Variants in EPHA5 observed in about 807,000 individuals in gnomAD.
EPHA5 encodes the protein ephrin type-A receptor 5.
A neutral mutation model predicts 105.0 loss-of-function variants in EPHA5; 60 were observed. The observed-to-expected ratio is 0.57, with a 90% CI of 0.46 to 0.71. The LOEUF is 0.71. Ranked by LOEUF, EPHA5 falls within the 30% of genes least tolerant of loss-of-function variation. The pLI, the probability that EPHA5 is intolerant of heterozygous loss-of-function variation, is 0.00. For missense variants in EPHA5, 1,218 were observed against 1,274.7 expected, an observed-to-expected ratio of 0.96 and a Z score of 0.68; for synonymous variants, 513 against 449.1, an observed-to-expected ratio of 1.14 and a Z score of -1.80.
chr4:65,571,473 A>G (rs1306806431), intron 3 of EPHA5, among the ~76,000 whole-genome samples: 1 of 152,104 alleles, frequency 6.6e-6, no homozygotes, highest in African/African-American at 2.4e-5. Flanking sequence ...GAGAAGATGA[A>G]TGAAACTGTC....
At chr4:65,477,572 T>G (rs1729947359) in intron 5 of EPHA5, among the ~76,000 whole-genome samples, 1 of 151,682 alleles carries the variant, frequency 6.6e-6, no homozygotes, top group South Asian at 2.1e-4. Flanking sequence ...ACCACCACGC[T>G]CAGGTAATTT....
chr4:65,556,891 T>G (rs555185014), intron 3 of EPHA5, among the ~76,000 whole-genome samples: 2 of 152,024 alleles, frequency 1.3e-5, no homozygotes, highest in Non-Finnish European at 2.9e-5. Flanking sequence ...TTTTGTGGTC[T>G]AAAAAACATA....
At chr4:65,419,090 G>A (rs936510285) in intron 6 of EPHA5, among the ~76,000 whole-genome samples, 14 of 151,410 alleles carry the variant, frequency 9.2e-5, no homozygotes, top group African/African-American at 3.2e-4. Context: ...TCACTACGTT[G>A]GGCAGGCTGG....
intron 3 of EPHA5, chr4:65,573,603 G>T (rs1226879242): frequency 1.3e-5 from 20 of 1,599,208 alleles, no homozygotes; most frequent in Admixed American, 1.7e-5. Flanking sequence ...CCGCAACCCT[G>T]TCCTTGTCAG....
At chr4:65,429,784 C>A (rs1456111367) in intron 5 of EPHA5, among the ~76,000 whole-genome samples, 2 of 151,978 alleles carry the variant, frequency 1.3e-5, no homozygotes, top group African/African-American at 4.8e-5. Flanking sequence ...AATATATTCT[C>A]GCTGATACCA....
chr4:65,414,508 T>G lies in EPHA5; in HGVS notation c.1528-65A>C, dbSNP rs1036649597. The stretch of plus-strand genomic sequence containing the variant: ...ATAAATTACTAATGACAGCAAAATT[T>G]AGAATCATAGATCAGAAAATGAATC... On this transcript the variant is annotated intron_variant, in intron 6 of 16. Coordinates refer to ENST00000613740, the MANE Select transcript of EPHA5 (RefSeq NM_001281766.3). 4.6e-6 allele frequency: 7 copies of G among 1,517,784 alleles called. No individual in the cohort carries two copies. The African/African-American group carries it at 9.7e-5, about 21-fold the overall frequency. The allele number at this position is 1,517,784 out of a possible 1,614,324, so 94.0% of individuals were successfully genotyped here. A position where few individuals can be genotyped will look rare whatever the true frequency, so the allele number is the denominator to read the frequency against.
chr4:65,632,897 TAAG>T (rs1418440066), intron 2 of EPHA5, among the ~76,000 whole-genome samples: 1 of 151,750 alleles, frequency 6.6e-6, no homozygotes, highest in Non-Finnish European at 1.5e-5. Context: ...TTATGGAGAG[TAAG>T]AAGTATTTCA....
rs1398218170 is a variant in EPHA5 at position 65,635,377 on chromosome 4, G to GA, written c.246+7985dup. Among the ~76,000 whole-genome samples, 4 of 152,174 alleles carry GA rather than the reference G, an allele frequency of 2.6e-5. No homozygotes were observed. The East Asian group carries it at 7.7e-4, about 29-fold the overall frequency. On this transcript the variant is annotated intron_variant, in intron 2 of 16. Coordinates refer to ENST00000613740, the MANE Select transcript of EPHA5 (RefSeq NM_001281766.3). ...CTAAAAGTTCTTAAGATCAGCATTA[G>GA]AAAAAAATTTAAAATGATGTTTATA... is the stretch of plus-strand genomic sequence containing the variant.
At chr4:65,481,963 C>G (rs578242945) in intron 5 of EPHA5, among the ~76,000 whole-genome samples, 45 of 152,182 alleles carry the variant, frequency 3.0e-4, no homozygotes, top group Non-Finnish European at 5.4e-4. Context: ...AATTCAATGA[C>G]CTACTGAAAT....
At position 65,579,358 on chromosome 4, in the gene EPHA5, G is replaced by GTATATATA. The variant is rs71657189; in HGVS notation, c.910+22275_910+22282dup. 2.9e-3 allele frequency among the ~76,000 whole-genome samples: 414 copies of GTATATATA among 142,774 alleles called. 3 individuals carry two copies. Among genetic ancestry groups the GTATATATA allele is most frequent in the Non-Finnish European group, 4.4e-3 (291 of 65,666 alleles). The allele number at this position is 142,774 out of a possible 152,430, so 93.7% of individuals were successfully genotyped here. On this transcript the variant is annotated intron_variant, in intron 3 of 16. Transcript: ENST00000613740. ...TGTGTAAATATATATATGTATGTGT[G>GTATATATA]TATATATATATATATATAAATATAT...
chr4:65,653,245 C>T (rs539341413), intron 1 of EPHA5, among the ~76,000 whole-genome samples: 3 of 152,028 alleles, frequency 2.0e-5, no homozygotes, highest in African/African-American at 4.8e-5. Flanking sequence ...AAACAAACAA[C>T]TTGATGACCT....
intron 14 of EPHA5, among the ~76,000 whole-genome samples, chr4:65,344,218 C>A (rs1277364124): frequency 6.6e-6 from 1 of 152,124 alleles, no homozygotes; most frequent in Non-Finnish European, 1.5e-5. Context: ...TGTAATTGGG[C>A]TCCTTCTTAC....
intron 8 of EPHA5, among the ~76,000 whole-genome samples, chr4:65,387,352 T>C (rs949664252): frequency 2.0e-5 from 3 of 152,072 alleles, no homozygotes; most frequent in African/African-American, 7.2e-5. Context: ...TGGGCTAAAC[T>C]GTACAAGCTC....
intron 2 of EPHA5, among the ~76,000 whole-genome samples, chr4:65,614,732 T>C (rs963772981): frequency 3.3e-5 from 5 of 151,892 alleles, no homozygotes; most frequent in Non-Finnish European, 5.9e-5. Flanking sequence ...GAAGAAGTAC[T>C]CTTCTATGCT....
At chr4:65,648,591 C>T (rs1184072333) in intron 1 of EPHA5, among the ~76,000 whole-genome samples, 3 of 152,172 alleles carry the variant, frequency 2.0e-5, no homozygotes, top group African/African-American at 7.2e-5. Context: ...AGTTAAACCT[C>T]CGCTACAGTA....
At chr4:65,458,558 C>CACA (rs1727832772) in intron 5 of EPHA5, among the ~76,000 whole-genome samples, 1 of 152,062 alleles carries the variant, frequency 6.6e-6, no homozygotes, top group East Asian at 1.9e-4. Flanking sequence ...ACTGTTTCTT[C>CACA]TTAATGTTCA....
chr4:65,421,209 C>T (rs1391491088), intron 5 of EPHA5, among the ~76,000 whole-genome samples: 1 of 152,050 alleles, frequency 6.6e-6, no homozygotes, highest in Admixed American at 6.6e-5. Context: ...CACCACTTGT[C>T]TAATGAAAAT....
intron 3 of EPHA5, among the ~76,000 whole-genome samples, chr4:65,529,752 CTA>C (rs1404088390): frequency 2.6e-5 from 4 of 151,988 alleles, no homozygotes; most frequent in Non-Finnish European, 5.9e-5. Context: ...TGCTCTATTA[CTA>C]TATATCTAGG....
intron 3 of EPHA5, among the ~76,000 whole-genome samples, chr4:65,590,127 A>G (rs1276289028): frequency 1.3e-5 from 2 of 152,182 alleles, no homozygotes; most frequent in Non-Finnish European, 2.9e-5. Flanking sequence ...TCCGTCAGTC[A>G]AATTATCATT....
Sources: gnomAD v4.1 joint callset for allele counts (sites outside exome capture counted in the v4.1 genomes callset) on GRCh38, gnomAD v4.1.1 for gene constraint, MANE v1.5 for transcripts, NCBI Gene and HGNC (gene_info 2026-07-23, HGNC 2026-07-21) for gene names.